Variants in SLC2A13 observed in about 807,000 individuals in gnomAD.
SLC2A13 encodes the protein solute carrier family 2 member 13, also known as proton myo-inositol cotransporter.
A neutral mutation model predicts 64.4 loss-of-function variants in SLC2A13; 32 were observed. That is an observed-to-expected ratio of 0.50 (90% CI 0.37 to 0.67). The LOEUF (loss-of-function observed/expected upper bound fraction) is 0.67. SLC2A13 is among the 30% of genes least tolerant of loss of function. SLC2A13 has a pLI of 0.00. For synonymous variants in SLC2A13, 338 were observed against 327.1 expected (o/e 1.03, Z -0.36); for missense variants, 743 against 829.2 (o/e 0.90, Z 1.28).
intron 3 of SLC2A13, among the ~76,000 whole-genome samples, chr12:39,961,371 G>A (rs919281749): frequency 1.3e-5 from 2 of 151,906 alleles, no homozygotes; most frequent in Admixed American, 6.6e-5. Flanking sequence ...GAGCCACCAC[G>A]CCTGGACTAA....
At chr12:39,800,007 T>A (rs1941727676) in intron 7 of SLC2A13, among the ~76,000 whole-genome samples, 1 of 152,198 alleles carries the variant, frequency 6.6e-6, no homozygotes, top group South Asian at 2.1e-4. Context: ...ATGTCTACCT[T>A]TTTTTGCAGT....
At chr12:39,983,417 G>A (rs1222034050) in intron 3 of SLC2A13, among the ~76,000 whole-genome samples, 31 of 94,212 alleles carry the variant, frequency 3.3e-4, no homozygotes, top group African/African-American at 1.1e-3. Context: ...GAAAATTTTC[G>A]CAACCTACTC....
At chr12:39,909,661 A>T (rs914792461) in intron 4 of SLC2A13, among the ~76,000 whole-genome samples, 1 of 152,156 alleles carries the variant, frequency 6.6e-6, no homozygotes, top group African/African-American at 2.4e-5. Context: ...AAGTCATGGT[A>T]GTCAAGGGGA....
intron 3 of SLC2A13, among the ~76,000 whole-genome samples, chr12:39,952,901 C>A (rs1264167282): frequency 3.9e-5 from 6 of 152,094 alleles, no homozygotes; most frequent in African/African-American, 1.4e-4. Context: ...CAGATACCTG[C>A]AAGTGACCCA....
At chr12:39,864,960 C>A in intron 5 of SLC2A13, 78 bp from the exon 6 acceptor site, 69 of 1,326,992 alleles carry the variant, frequency 5.2e-5, no homozygotes, top group South Asian at 2.6e-4. Context: ...TAAAAACAAA[C>A]CAAAAAACAA....
intron 2 of SLC2A13, among the ~76,000 whole-genome samples, chr12:40,034,669 A>G (rs138491131): frequency 5.9e-5 from 9 of 152,332 alleles, no homozygotes; most frequent in African/African-American, 2.2e-4. Context: ...AAGATGATGT[A>G]TTCTTTAAAA....
chr12:39,938,752 C>A (rs932400430), intron 4 of SLC2A13, among the ~76,000 whole-genome samples: 52 of 151,538 alleles, frequency 3.4e-4, no homozygotes, highest in Non-Finnish European at 1.0e-4. Context: ...AAGTTCACAT[C>A]CATATTGTGC....
intron 3 of SLC2A13, among the ~76,000 whole-genome samples, chr12:39,955,503 A>G (rs1226406616): frequency 6.6e-6 from 1 of 152,180 alleles, no homozygotes; most frequent in Non-Finnish European, 1.5e-5. Context: ...AGAAAAATCC[A>G]TAAAACCAAA....
At chr12:39,824,761 A>G (rs775898016) in intron 7 of SLC2A13, among the ~76,000 whole-genome samples, 2 of 152,124 alleles carry the variant, frequency 1.3e-5, no homozygotes, top group African/African-American at 2.4e-5. Context: ...GGGGAGTGCT[A>G]GAGGGCAGCA....
intron 1 of SLC2A13, among the ~76,000 whole-genome samples, chr12:40,088,060 C>T (rs958765531): frequency 6.6e-6 from 1 of 152,172 alleles, no homozygotes; most frequent in Non-Finnish European, 1.5e-5. Flanking sequence ...CCAAGAGTTT[C>T]ATACAGTTTG....
intron 4 of SLC2A13, among the ~76,000 whole-genome samples, chr12:39,915,790 T>C (rs1945512083): frequency 6.6e-6 from 1 of 151,822 alleles, no homozygotes. Flanking sequence ...ATTTCACAAG[T>C]CCAAACATTA....
intron 3 of SLC2A13, among the ~76,000 whole-genome samples, chr12:40,022,589 C>A (rs1189639524): frequency 6.6e-6 from 1 of 152,158 alleles, no homozygotes; most frequent in Non-Finnish European, 1.5e-5. Context: ...GTAATCTTAG[C>A]ACTTTGGGAG....
chr12:40,087,151 T>C (rs1938612591), intron 1 of SLC2A13, among the ~76,000 whole-genome samples: 1 of 152,188 alleles, frequency 6.6e-6, no homozygotes, highest in Non-Finnish European at 1.5e-5. Flanking sequence ...GTATCTTCCA[T>C]TCAGAAAGGA....
At chr12:39,827,832 CATT>C (rs1244549005) in intron 7 of SLC2A13, among the ~76,000 whole-genome samples, 1 of 152,030 alleles carries the variant, frequency 6.6e-6, no homozygotes, top group African/African-American at 2.4e-5. Context: ...AGTTCATCAA[CATT>C]ATTATACTAT....
rs569940751 is a variant in SLC2A13 at position 40,048,674 on chromosome 12, T to C, written c.557-464A>G. ...GCCAGTAGATTTACTAAACTTTTAA[T>C]TGGTTTACTAATAAGAAATTCATAT... On this transcript the variant is annotated intron_variant, in intron 1 of 9. Transcript: ENST00000280871. 5.3e-5 allele frequency among the ~76,000 whole-genome samples: 8 copies of C among 152,294 alleles called. No homozygotes were observed. The South Asian group carries it at 1.7e-3, about 32-fold the overall frequency.
intron 1 of SLC2A13, among the ~76,000 whole-genome samples, chr12:40,062,766 G>A (rs143310459): frequency 0.012 from 1,867 of 152,142 alleles, 25 homozygotes; most frequent in Non-Finnish European, 0.016. Flanking sequence ...ATCTTCGAGG[G>A]TGACATTAAC....
At chr12:40,027,036 C>T (rs1014721940) in intron 3 of SLC2A13, among the ~76,000 whole-genome samples, 3 of 150,628 alleles carry the variant, frequency 2.0e-5, no homozygotes, top group East Asian at 1.9e-4. Flanking sequence ...GCCAAGATCG[C>T]GCCATTGCAC....
Position 39,951,162 on chromosome 12 carries a change from C to A in SLC2A13, c.1034+95G>T, listed in dbSNP as rs1004087945. The A allele has an allele frequency of 5.7e-6, 6 of 1,046,324 alleles. No individual in the cohort carries two copies. The African/African-American group carries it at 9.6e-5, about 17-fold the overall frequency. 64.8% of individuals were successfully genotyped at this position (1,046,324 alleles called of 1,614,324 possible). On this transcript the variant is annotated intron_variant, in intron 4 of 9. Transcript: ENST00000280871. Reference sequence around the variant, plus strand: ...TCATACATTTAATCAGAACAAATCACTGAGTCTAGTATTTACATGAAATAC... The same window carrying A: ...TCATACATTTAATCAGAACAAATCAATGAGTCTAGTATTTACATGAAATAC...
chr12:39,907,982 C>G (rs956154513), intron 4 of SLC2A13: 1 of 152,136 alleles, frequency 6.6e-6, no homozygotes, highest in East Asian at 1.9e-4. Context: ...ATGGTGGGAG[C>G]CACATAGGAA....
Sources: allele counts gnomAD v4.1 joint callset (sites outside exome capture counted in the v4.1 genomes callset), GRCh38; gene constraint gnomAD v4.1.1; transcripts MANE v1.5; gene names NCBI Gene and HGNC (gene_info 2026-07-23, HGNC 2026-07-21).